Variants in MME observed in about 807,000 individuals in gnomAD.
MME encodes the protein neprilysin.
MME carries 98 observed loss-of-function variants against 113.2 expected under a neutral mutation model. The observed-to-expected ratio is 0.87, with a 90% CI of 0.74 to 1.02. The LOEUF is 1.02. MME is among the 50% of genes least tolerant of loss of function. MME has a pLI of 0.00. For missense variants in MME, 836 were observed against 896.0 expected, an observed-to-expected ratio of 0.93 and a Z score of 0.86; for synonymous variants, 292 against 300.6, an observed-to-expected ratio of 0.97 and a Z score of 0.30.
At chr3:155,026,892 T>C (rs1469032511) in intron 1 of MME, among the ~76,000 whole-genome samples, 3 of 152,240 alleles carry the variant, frequency 2.0e-5, no homozygotes, top group African/African-American at 4.8e-5. Flanking sequence ...TTTTCCTTTA[T>C]GTCTTTAAAC....
Position 155,143,445 on chromosome 3 carries a change from C to G in MME, c.1191C>G (p.Ala397=). ...CATTTCCTTTTTCTTTTCCGTAGGCCCTTTATGGTACAACCTCAGAAACAG... is the reference window on the plus strand; with the variant it reads ...CATTTCCTTTTTCTTTTCCGTAGGCGCTTTATGGTACAACCTCAGAAACAG... ...YKESRNAFRK[A]LYGTTSETAT... The change falls in exon 13 of 23, where the codon GCC becomes GCG. Residue 397 remains alanine, a splice_region_variant and synonymous_variant. Coordinates refer to ENST00000360490, the MANE Select transcript of MME (RefSeq NM_007289.4). The G allele has an allele frequency of 7.4e-6, 12 of 1,611,854 alleles. No individual in the cohort carries two copies. The highest frequency in any genetic ancestry group is 1.0e-5 in the Non-Finnish European group (12 of 1,178,442).
chr3:155,180,981 T>C lies in MME; in HGVS notation c.*522T>C, dbSNP rs993670841. ...ACACATTGGGGCCTTGGAGCTTACA[T>C]AGTTTTAAACTCATTTTTGCCATAC... On this transcript the variant is annotated 3_prime_UTR_variant, in exon 23 of 23. Coordinates refer to ENST00000360490, the MANE Select transcript of MME (RefSeq NM_007289.4). The C allele has an allele frequency of 6.3e-6, 1 of 158,696 alleles. No homozygotes were observed. Among genetic ancestry groups the C allele is most frequent in the Middle Eastern group, 3.3e-3 (1 of 306 alleles). 9.8% of individuals were successfully genotyped at this position (158,696 alleles called of 1,614,324 possible).
chr3:155,126,417 T>A (rs1326648530), intron 8 of MME, among the ~76,000 whole-genome samples: 1 of 152,206 alleles, frequency 6.6e-6, no homozygotes, highest in Non-Finnish European at 1.5e-5. Flanking sequence ...GCTTTTTTTT[T>A]TTCATTGTTA....
At chr3:155,087,258 T>C (rs1357529497) in intron 3 of MME, among the ~76,000 whole-genome samples, 1 of 151,942 alleles carries the variant, frequency 6.6e-6, no homozygotes, top group Non-Finnish European at 1.5e-5. Context: ...GGTTTTTTTT[T>C]TTTTTTGTAT....
chr3:155,117,132 A>T (rs1718691199), intron 7 of MME, 146 bp downstream of exon 7: 1 of 641,798 alleles, frequency 1.6e-6, no homozygotes, highest in African/African-American at 1.8e-5. Context: ...TCTGTCCCTA[A>T]TACCTGGAGT....
At chr3:155,125,785 G>C (rs1333662219) in intron 8 of MME, among the ~76,000 whole-genome samples, 1 of 151,934 alleles carries the variant, frequency 6.6e-6, no homozygotes, top group Non-Finnish European at 1.5e-5. Flanking sequence ...AGAAAGTAAG[G>C]AACAGCAGGA....
chr3:155,057,157 G>T (rs1713960590), intron 1 of MME, among the ~76,000 whole-genome samples: 1 of 152,018 alleles, frequency 6.6e-6, no homozygotes, highest in Non-Finnish European at 1.5e-5. Context: ...GAGTGAACAA[G>T]CAACCTACAA....
intron 1 of MME, among the ~76,000 whole-genome samples, chr3:155,042,932 A>G (rs866735476): frequency 0.015 from 965 of 63,280 alleles, 13 homozygotes; most frequent in African/African-American, 0.07. Context: ...ATATATATAT[A>G]TATATATGTA....
intron 1 of MME, among the ~76,000 whole-genome samples, chr3:155,056,232 G>A (rs1282893409): frequency 2.6e-5 from 4 of 151,560 alleles, no homozygotes; most frequent in Admixed American, 1.3e-4. Flanking sequence ...CAATGTGCAG[G>A]TTAGTTACAT....
intron 22 of MME, among the ~76,000 whole-genome samples, chr3:155,173,572 GTCATCA>G (rs71624560): frequency 1.1e-4 from 17 of 149,986 alleles, no homozygotes; most frequent in South Asian, 2.1e-4. Context: ...TATCATCGTT[GTCATCA>G]TCATCATCAT....
rs202126163 is a variant in MME at position 155,118,804 on chromosome 3, A to G, written c.713A>G (p.Tyr238Cys). Reference protein sequence around the residue: ...SRDYYECTGIYKEACTAYVDF... With the variant: ...SRDYYECTGICKEACTAYVDF... ...GATTACTATGAATGCACTGGAATCTATAAAGAGGTAAAAAGAAAAAAAATA... is the reference window on the plus strand; with the variant it reads ...GATTACTATGAATGCACTGGAATCTGTAAAGAGGTAAAAAGAAAAAAAATA... Residue 238 changes from tyrosine (Y) to cysteine (C), a missense_variant, in exon 8 of 23, where the codon TAT becomes TGT. Coordinates refer to ENST00000360490, the MANE Select transcript of MME (RefSeq NM_007289.4). The G allele has an allele frequency of 1.9e-6, 3 of 1,593,600 alleles. No individual in the cohort carries two copies. In the South Asian group the frequency reaches 3.3e-5, roughly 18 times the overall value.
chr3:155,144,630 T>A (rs1353355697), intron 14 of MME, among the ~76,000 whole-genome samples, 173 bp downstream of exon 14: 2 of 152,190 alleles, frequency 1.3e-5, no homozygotes, highest in Non-Finnish European at 2.9e-5. Flanking sequence ...ATTTCTACAA[T>A]TTTAATCTTT....
Position 155,147,141 on chromosome 3 carries a change from T to C in MME, c.1417-3T>C, listed in dbSNP as rs747719581. ...TTCACATTCAATATTATAATTTTCA[T>C]AGGCCTTAGCAATTAAAGAAAGGAT... On this transcript the variant is annotated splice_polypyrimidine_tract_variant and splice_region_variant and intron_variant, in intron 14 of 22. Transcript: ENST00000360490. The C allele has an allele frequency of 5.7e-6, 9 of 1,580,232 alleles. No homozygotes were observed. The Admixed American group carries it at 1.5e-4, about 26-fold the overall frequency.
intron 1 of MME, among the ~76,000 whole-genome samples, chr3:155,070,639 T>C (rs1363803363): frequency 6.6e-6 from 1 of 152,226 alleles, no homozygotes; most frequent in Non-Finnish European, 1.5e-5. Context: ...TTTAGATATT[T>C]CTATTTCACC....
chr3:155,159,301 G>A (rs577998094), intron 16 of MME, among the ~76,000 whole-genome samples: 2 of 152,134 alleles, frequency 1.3e-5, no homozygotes, highest in South Asian at 2.1e-4. Flanking sequence ...CCTTCTGTGA[G>A]TAGGATAATT....
chr3:155,055,944 ATTGT>A (rs1013949959), intron 1 of MME, among the ~76,000 whole-genome samples: 3 of 151,950 alleles, frequency 2.0e-5, no homozygotes, highest in Admixed American at 6.6e-5. Context: ...AGGTTAGGCC[ATTGT>A]TTGTTTGTTT....
chr3:155,103,371 T>A (rs974922684), intron 3 of MME, among the ~76,000 whole-genome samples: 1 of 138,282 alleles, frequency 7.2e-6, no homozygotes. Context: ...TCAGTCTAGC[T>A]AGGTCCTGCT....
At chr3:155,047,532 T>A (rs1713600343) in intron 1 of MME, among the ~76,000 whole-genome samples, 1 of 152,338 alleles carries the variant, frequency 6.6e-6, no homozygotes, top group African/African-American at 2.4e-5. Flanking sequence ...TGGTTCTTTT[T>A]AAAAAGACAA....
chr3:155,098,959 A>T (rs1170480388), intron 3 of MME, among the ~76,000 whole-genome samples: 1 of 152,152 alleles, frequency 6.6e-6, no homozygotes, highest in Non-Finnish European at 1.5e-5. Flanking sequence ...CTCTGGAGTC[A>T]GTAGAAGACA....
Sources: allele counts gnomAD v4.1 joint callset (sites outside exome capture counted in the v4.1 genomes callset), GRCh38; gene constraint gnomAD v4.1.1; transcripts MANE v1.5; gene names NCBI Gene and HGNC (gene_info 2026-07-23, HGNC 2026-07-21).